The following PTPRD variants were observed in gnomAD, a reference collection of about 807,000 sequenced individuals.
PTPRD encodes protein tyrosine phosphatase receptor type D, also known as receptor-type tyrosine-protein phosphatase delta.
In PTPRD, 34 loss-of-function variants were observed where a neutral mutation model predicts 214.5. The observed-to-expected ratio is 0.16, with a 90% CI of 0.12 to 0.21. The LOEUF (loss-of-function observed/expected upper bound fraction) is 0.21. Among genes scored for constraint, PTPRD ranks in the 10% least tolerant of loss-of-function variants. PTPRD has a pLI of 1.00. For synonymous variants in PTPRD, 1,128 were observed against 845.7 expected, an observed-to-expected ratio of 1.33 and a Z score of -5.79; for missense variants, 2,545 against 2,398.7, an observed-to-expected ratio of 1.06 and a Z score of -1.27.
intron 8 of PTPRD, among the ~76,000 whole-genome samples, chr9:9,423,390 C>G (rs1014120460): frequency 6.6e-6 from 1 of 152,154 alleles, no homozygotes; most frequent in Non-Finnish European, 1.5e-5. Flanking sequence ...GACCTGTCAC[C>G]AGGAAACTGA....
At chr9:8,327,142 T>G (rs1587626078) in intron 44 of PTPRD, among the ~76,000 whole-genome samples, 1 of 151,126 alleles carries the variant, frequency 6.6e-6, no homozygotes, top group East Asian at 2.0e-4. Flanking sequence ...TTTAGATCTT[T>G]CCTGCTTTCT....
intron 2 of PTPRD, among the ~76,000 whole-genome samples, chr9:10,401,993 C>A (rs994980451): frequency 6.6e-5 from 10 of 151,060 alleles, no homozygotes; most frequent in Admixed American, 6.0e-4. Context: ...GAATAAAACA[C>A]CCTATAAGAA....
chr9:10,009,305 T>C (rs1429177763), intron 4 of PTPRD, among the ~76,000 whole-genome samples: 1 of 150,278 alleles, frequency 6.7e-6, no homozygotes, highest in East Asian at 2.0e-4. Context: ...TGAAAACAAG[T>C]ATCCAAGGTG....
intron 11 of PTPRD, among the ~76,000 whole-genome samples, chr9:8,852,421 C>T (rs537750641): frequency 6.6e-6 from 1 of 152,134 alleles, no homozygotes; most frequent in East Asian, 1.9e-4. Flanking sequence ...CCTTTCTGGT[C>T]AATGAATTCA....
chr9:9,451,167 G>T (rs749915264), intron 8 of PTPRD, among the ~76,000 whole-genome samples: 1 of 151,530 alleles, frequency 6.6e-6, no homozygotes, highest in Non-Finnish European at 1.5e-5. Context: ...TTTATATAAG[G>T]TGCAATACAC....
intron 9 of PTPRD, among the ~76,000 whole-genome samples, chr9:9,284,701 C>G (rs993764337): frequency 2.0e-5 from 3 of 151,662 alleles, no homozygotes; most frequent in African/African-American, 4.8e-5. Flanking sequence ...ATGAAGACAG[C>G]CTTTTAGAGA....
intron 11 of PTPRD, among the ~76,000 whole-genome samples, chr9:8,787,931 T>C (rs996493534): frequency 2.6e-5 from 4 of 152,138 alleles, no homozygotes; most frequent in African/African-American, 9.7e-5. Flanking sequence ...AAAACTCATT[T>C]TAACCCTATC....
intron 4 of PTPRD, among the ~76,000 whole-genome samples, chr9:9,977,479 A>T (rs184118163): frequency 3.4e-3 from 513 of 152,296 alleles, no homozygotes; most frequent in Non-Finnish European, 5.4e-3. Context: ...GAAAAAATAA[A>T]TTCATAAACA....
intron 11 of PTPRD, chr9:8,857,987 C>A (rs2097975903): frequency 6.7e-6 from 1 of 149,356 alleles, no homozygotes; most frequent in Admixed American, 6.8e-5. Flanking sequence ...TCCTCTTGGC[C>A]CTTCTGAGCC....
chr9:9,643,207 G>C (rs746799773), intron 7 of PTPRD, among the ~76,000 whole-genome samples: 4 of 152,148 alleles, frequency 2.6e-5, no homozygotes, highest in Non-Finnish European at 5.9e-5. Context: ...GCAAAATCCT[G>C]TATGACAGAA....
intron 10 of PTPRD, among the ~76,000 whole-genome samples, chr9:9,083,424 A>G (rs769393028): frequency 1.0e-3 from 154 of 152,338 alleles, no homozygotes; most frequent in African/African-American, 3.5e-3. Flanking sequence ...AAAGACTTCA[A>G]TGTAAGACCC....
chr9:8,929,843 G>A (rs1199561102), intron 11 of PTPRD, among the ~76,000 whole-genome samples: 7 of 46,224 alleles, frequency 1.5e-4, no homozygotes, highest in South Asian at 5.8e-4. Context: ...GTATATATAT[G>A]TGTGTATATA....
intron 8 of PTPRD, among the ~76,000 whole-genome samples, chr9:9,421,904 A>G (rs576405254): frequency 1.3e-5 from 2 of 152,050 alleles, no homozygotes; most frequent in Non-Finnish European, 2.9e-5. Context: ...AGTCTGATCC[A>G]GATTGATGGA....
At chr9:8,333,544 C>A (rs557930856) in intron 43 of PTPRD, among the ~76,000 whole-genome samples, 4 of 152,148 alleles carry the variant, frequency 2.6e-5, no homozygotes, top group Non-Finnish European at 5.9e-5. Flanking sequence ...TACAAGAGCT[C>A]CTGAAGGAAG....
chr9:9,740,216 G>C (rs1187688998), intron 6 of PTPRD, among the ~76,000 whole-genome samples: 1 of 151,808 alleles, frequency 6.6e-6, no homozygotes, highest in Non-Finnish European at 1.5e-5. Context: ...CCATGATTTG[G>C]GATTCATCTT....
intron 2 of PTPRD, among the ~76,000 whole-genome samples, chr9:10,392,625 T>A (rs1052089480): frequency 6.6e-6 from 1 of 151,844 alleles, no homozygotes; most frequent in African/African-American, 2.4e-5. Context: ...TAATATGGGA[T>A]TAAAATGCCC....
At chr9:8,423,820 C>CA (rs1007234943) in intron 35 of PTPRD, among the ~76,000 whole-genome samples, 4 of 151,260 alleles carry the variant, frequency 2.6e-5, no homozygotes, top group African/African-American at 9.7e-5. Flanking sequence ...CAACCATCTG[C>CA]TTTTTTTTTC....
intron 12 of PTPRD, among the ~76,000 whole-genome samples, chr9:8,697,584 G>A (rs536704920): frequency 6.6e-6 from 1 of 151,314 alleles, no homozygotes; most frequent in East Asian, 2.0e-4. Context: ...CACCACACCC[G>A]GCTAATTTTC....
chr9:8,408,279 A>G (rs2093204747), intron 35 of PTPRD, among the ~76,000 whole-genome samples: 1 of 152,184 alleles, frequency 6.6e-6, no homozygotes, highest in Admixed American at 6.5e-5. Context: ...ATTATTCAAA[A>G]CAATTTGAAA....
Sources: allele counts gnomAD v4.1 joint callset (sites outside exome capture counted in the v4.1 genomes callset), GRCh38; gene constraint gnomAD v4.1.1; transcripts MANE v1.5; gene names NCBI Gene and HGNC (gene_info 2026-07-23, HGNC 2026-07-21).